The following LUZP2 variants were observed in gnomAD, a reference collection of about 807,000 sequenced individuals.
The protein encoded by LUZP2 is leucine zipper protein 2.
LUZP2 carries 52 observed loss-of-function variants against 51.6 expected under a neutral mutation model. The observed-to-expected ratio is 1.01, with a 90% CI of 0.81 to 1.27. LUZP2 has a LOEUF of 1.27. Among genes scored for constraint, LUZP2 ranks in the 50% most tolerant of loss-of-function variants. The pLI is 0.00. For missense variants in LUZP2, 436 were observed against 395.4 expected (o/e 1.10, Z -0.87); for synonymous variants, 154 against 137.3 (o/e 1.12, Z -0.85).
At chr11:24,755,662 C>T (rs1042207020) in intron 4 of LUZP2, among the ~76,000 whole-genome samples, 2 of 152,124 alleles carry the variant, frequency 1.3e-5, no homozygotes, top group Admixed American at 1.3e-4. Flanking sequence ...GGATGACAGA[C>T]ATGCCTCATT....
chr11:24,914,280 T>C (rs994329069), intron 6 of LUZP2, among the ~76,000 whole-genome samples, 196 bp from the exon 7 acceptor site: 1 of 152,108 alleles, frequency 6.6e-6, no homozygotes, highest in Admixed American at 6.6e-5. Flanking sequence ...AAGCTTCGGT[T>C]TTTCTCTTTC....
At chr11:24,542,923 C>A (rs1160423552) in intron 1 of LUZP2, among the ~76,000 whole-genome samples, 21 of 127,908 alleles carry the variant, frequency 1.6e-4, no homozygotes, top group East Asian at 1.1e-3. Context: ...CACACACACA[C>A]AGAAAAAAAA....
At chr11:24,606,613 G>A (rs1354112298) in intron 1 of LUZP2, among the ~76,000 whole-genome samples, 2 of 151,886 alleles carry the variant, frequency 1.3e-5, no homozygotes, top group Non-Finnish European at 1.5e-5. Flanking sequence ...TGGGGGTGAG[G>A]ATATCTCTGA....
At chr11:24,571,336 G>C (rs1399207901) in intron 1 of LUZP2, among the ~76,000 whole-genome samples, 1 of 147,164 alleles carries the variant, frequency 6.8e-6, no homozygotes, top group African/African-American at 2.5e-5. Context: ...TCCTTGTCCA[G>C]ACAGCTCTTT....
chr11:24,528,612 C>T (rs1242507061), intron 1 of LUZP2, among the ~76,000 whole-genome samples: 1 of 151,170 alleles, frequency 6.6e-6, no homozygotes, highest in Non-Finnish European at 1.5e-5. Context: ...GACATGCTCA[C>T]TCTTCATTAA....
At chr11:24,996,425 A>G (rs865978032) in intron 9 of LUZP2, among the ~76,000 whole-genome samples, 1 of 151,820 alleles carries the variant, frequency 6.6e-6, no homozygotes, top group Non-Finnish European at 1.5e-5. Context: ...TAATTCTTAC[A>G]TTCTATTAAA....
chr11:24,830,031 TAAACAC>T (rs775531405), intron 5 of LUZP2, among the ~76,000 whole-genome samples: 1 of 152,044 alleles, frequency 6.6e-6, no homozygotes, highest in Non-Finnish European at 1.5e-5. Flanking sequence ...GTTAAAAACT[TAAACAC>T]AAGAGAAGAA....
chr11:25,061,859 T>C (rs999237217), intron 10 of LUZP2, among the ~76,000 whole-genome samples: 1 of 152,162 alleles, frequency 6.6e-6, no homozygotes, highest in African/African-American at 2.4e-5. Context: ...TCTGAACTTT[T>C]GCTTTAGTTC....
In LUZP2 at chr11:24,534,495, A is replaced by G. The variant is rs1209006905; in HGVS notation, c.62+37190A>G. On this transcript the variant is annotated intron_variant, in intron 1 of 11. Coordinates refer to ENST00000336930, the MANE Select transcript of LUZP2 (RefSeq NM_001009909.4). ...TTTGTAGGTATGTAAATATATAGAA[A>G]GCATATATAGAAAGCATATATAGAG... Among the ~76,000 whole-genome samples, 3 of 139,732 alleles carry G rather than the reference A, an allele frequency of 2.1e-5. No individual in the cohort carries two copies. In the East Asian group the frequency reaches 5.9e-4, roughly 28 times the overall value. 91.7% of individuals were successfully genotyped at this position (139,732 alleles called of 152,430 possible). A position where few individuals can be genotyped will look rare whatever the true frequency, so the allele number is the denominator to read the frequency against.
intron 1 of LUZP2, among the ~76,000 whole-genome samples, chr11:24,562,511 G>A (rs1347998066): frequency 6.6e-6 from 1 of 151,796 alleles, no homozygotes; most frequent in Non-Finnish European, 1.5e-5. Flanking sequence ...AGAATTTCGA[G>A]ATAGATGTAA....
chr11:24,681,106 C>T (rs937813067), intron 1 of LUZP2, among the ~76,000 whole-genome samples: 6 of 152,008 alleles, frequency 3.9e-5, no homozygotes, highest in Admixed American at 1.3e-4. Context: ...CTCAGCCTCC[C>T]GAGTAGTTGG....
chr11:25,026,079 G>C (rs12292700), intron 9 of LUZP2, among the ~76,000 whole-genome samples: 2,938 of 150,888 alleles, frequency 0.019, 100 homozygotes, highest in African/African-American at 0.068. Flanking sequence ...ACTCATAGGT[G>C]GGAATTGAAG....
At chr11:24,926,341 G>A (rs549689941) in intron 7 of LUZP2, among the ~76,000 whole-genome samples, 1 of 86,700 alleles carries the variant, frequency 1.2e-5, no homozygotes, top group South Asian at 3.4e-4. Flanking sequence ...ATATATATAC[G>A]TGTGTATATA....
intron 10 of LUZP2, among the ~76,000 whole-genome samples, chr11:25,066,832 G>T (rs1859008546): frequency 6.6e-6 from 1 of 151,950 alleles, no homozygotes; most frequent in Non-Finnish European, 1.5e-5. Context: ...ACTATAACGT[G>T]CTGAATTGTT....
intron 1 of LUZP2, among the ~76,000 whole-genome samples, chr11:24,639,523 C>T (rs868533792): frequency 6.6e-6 from 1 of 151,770 alleles, no homozygotes; most frequent in Non-Finnish European, 1.5e-5. Flanking sequence ...GAGATCTCAG[C>T]TCACCGCAAC....
intron 1 of LUZP2, among the ~76,000 whole-genome samples, chr11:24,604,463 C>A (rs1853844869): frequency 6.6e-6 from 1 of 151,688 alleles, no homozygotes; most frequent in Admixed American, 6.6e-5. Flanking sequence ...TATTAAAACA[C>A]CGTTTAGCTT....
At chr11:24,567,500 A>C (rs115959758) in intron 1 of LUZP2, among the ~76,000 whole-genome samples, 2,079 of 152,140 alleles carry the variant, frequency 0.014, 41 homozygotes, top group African/African-American at 0.045. Context: ...AAGTAGGATA[A>C]ACTCAAATAG....
At chr11:24,537,479 A>G (rs115379645) in intron 1 of LUZP2, among the ~76,000 whole-genome samples, 2,361 of 152,028 alleles carry the variant, frequency 0.016, 49 homozygotes, top group African/African-American at 0.055. Context: ...TTTCTAAACA[A>G]TATTGAAACT....
intron 4 of LUZP2, among the ~76,000 whole-genome samples, chr11:24,754,162 T>C (rs935781002): frequency 1.3e-5 from 2 of 152,132 alleles, no homozygotes; most frequent in Non-Finnish European, 1.5e-5. Flanking sequence ...TGTTTGTTTG[T>C]TTTTCTTAAT....
Sources: allele counts gnomAD v4.1 joint callset (sites outside exome capture counted in the v4.1 genomes callset), GRCh38; gene constraint gnomAD v4.1.1; transcripts MANE v1.5; gene names NCBI Gene and HGNC (gene_info 2026-07-23, HGNC 2026-07-21).